The following TET2 variants were observed in gnomAD, a reference collection of about 807,000 sequenced individuals.
TET2 encodes methylcytosine dioxygenase TET2.
Under a neutral mutation model 142.9 loss-of-function variants are expected in TET2, and 299 were observed. The observed-to-expected ratio is 2.09, with a 90% confidence interval of 1.90 to 2.30. The LOEUF (loss-of-function observed/expected upper bound fraction) is 2.30. TET2 is among the 30% of genes most tolerant of loss of function. TET2 has a pLI of 0.00. For missense variants in TET2, 2,418 were observed against 2,378.0 expected, an observed-to-expected ratio of 1.02 and a Z score of -0.35; for synonymous variants, 819 against 849.0, an observed-to-expected ratio of 0.96 and a Z score of 0.61.
rs75699740 is a variant in TET2, at chr4:105,268,000, T to C, written c.4045-1610T>C. ...ATACTTAGTGGTGAAAGACTAATAC[T>C]TGACCCCTAAGATAAGGAACAAGAC... On this transcript the variant is annotated intron_variant, in intron 8 of 10. Coordinates refer to ENST00000380013, the MANE Select transcript of TET2 (RefSeq NM_001127208.3). 4.0e-3 allele frequency among the ~76,000 whole-genome samples: 612 copies of C among 152,274 alleles called. 2 individuals carry two copies. The highest frequency in any genetic ancestry group is 6.7e-3 in the Non-Finnish European group (457 of 67,986).
intron 1 of TET2, among the ~76,000 whole-genome samples, chr4:105,149,055 TA>T (rs1476574380): frequency 6.6e-6 from 1 of 152,206 alleles, no homozygotes; most frequent in Non-Finnish European, 1.5e-5. Flanking sequence ...GCCCTAAAAT[TA>T]AAACAAAAAT....
At chr4:105,194,669 A>T (rs1378102198) in intron 2 of TET2, among the ~76,000 whole-genome samples, 1 of 152,200 alleles carries the variant, frequency 6.6e-6, no homozygotes, top group Admixed American at 6.5e-5. Context: ...CAGGATTATA[A>T]AAGAAAAAAT....
At chr4:105,163,846 A>AGTGT (rs1246970394) in intron 1 of TET2, among the ~76,000 whole-genome samples, 4 of 116,134 alleles carry the variant, frequency 3.4e-5, no homozygotes, top group Non-Finnish European at 3.6e-5. Context: ...AGAGAGAGAG[A>AGTGT]GAGAGAGAGT....
At chr4:105,211,773 T>A (rs1236432363) in intron 2 of TET2, among the ~76,000 whole-genome samples, 1 of 152,230 alleles carries the variant, frequency 6.6e-6, no homozygotes, top group Admixed American at 6.5e-5. Flanking sequence ...CATGCCTGTT[T>A]GGGGAATAGT....
chr4:105,149,334 A>G lies in TET2; in HGVS notation c.-193+2355A>G, dbSNP rs762087386. 3.4e-4 allele frequency among the ~76,000 whole-genome samples: 52 copies of G among 152,204 alleles called. 1 individual carries two copies. The highest frequency in any genetic ancestry group is 3.4e-3 in the Admixed American group (52 of 15,274). ...GAAGGCTTGTTTTTTCCTGTCATCA[A>G]ATTTAGATTCTTGTTATTTTGTGCA... On this transcript the variant is annotated intron_variant, in intron 1 of 10. Transcript: ENST00000380013.
intron 3 of TET2, 181 bp downstream of exon 3, chr4:105,237,532 G>A: frequency 6.4e-7 from 1 of 1,570,510 alleles, no homozygotes; most frequent in Non-Finnish European, 8.6e-7. Context: ...TTGTGAAAGA[G>A]AACTTCACTT....
At chr4:105,160,932 C>A (rs764138604) in intron 1 of TET2, among the ~76,000 whole-genome samples, 3 of 152,136 alleles carry the variant, frequency 2.0e-5, no homozygotes, top group Non-Finnish European at 2.9e-5. Flanking sequence ...CTCGCCACCA[C>A]GCCCGGCTAA....
chr4:105,197,090 T>C (rs1357945560), intron 2 of TET2, among the ~76,000 whole-genome samples: 4 of 152,172 alleles, frequency 2.6e-5, no homozygotes, highest in African/African-American at 9.7e-5. Context: ...GATACTTAAT[T>C]ATAAGCAACA....
chr4:105,200,403 T>C (rs777840481), intron 2 of TET2, among the ~76,000 whole-genome samples: 2 of 152,162 alleles, frequency 1.3e-5, no homozygotes, highest in Non-Finnish European at 2.9e-5. Context: ...TGTTTGTTTG[T>C]TTGTTTTTCC....
rs527538193 is a variant in TET2 at position 105,152,222 on chromosome 4, G to A, written c.-193+5243G>A. ...AACCCTCCCGGGAGGCAGAGGCTGC[G>A]GTGAGCCGAGATGGCTCTGCTGCAC... On this transcript the variant is annotated intron_variant, in intron 1 of 10. Coordinates refer to ENST00000380013, the MANE Select transcript of TET2 (RefSeq NM_001127208.3). Among the ~76,000 whole-genome samples the A allele has an allele frequency of 7.9e-5, 12 of 152,166 alleles. No individual in the cohort carries two copies. In the South Asian group the frequency reaches 1.9e-3, roughly 24 times the overall value.
intron 2 of TET2, among the ~76,000 whole-genome samples, chr4:105,196,463 CAGTACAGAAAACCATCAG>C (rs1472319582): frequency 3.9e-5 from 6 of 152,134 alleles, no homozygotes; most frequent in Non-Finnish European, 7.4e-5. Flanking sequence ...CTGAAGAACT[CAGTACAGAAAACCATCAG>C]CCTACAGAAA....
chr4:105,230,212 T>C (rs1416526948), intron 2 of TET2, among the ~76,000 whole-genome samples: 1 of 152,146 alleles, frequency 6.6e-6, no homozygotes, highest in Non-Finnish European at 1.5e-5. Context: ...CTGCTAATTT[T>C]TGTATCTTTT....
intron 3 of TET2, chr4:105,237,654 C>A: frequency 7.3e-7 from 1 of 1,378,770 alleles, no homozygotes. Context: ...CTATTTAGCT[C>A]TTTGTATATT....
chr4:105,279,382 A>C lies in TET2; in HGVS notation c.*2863A>C, dbSNP rs972651724. 5 of 232,190 alleles carry C rather than the reference A, an allele frequency of 2.2e-5. No individual in the cohort carries two copies. The highest frequency in any genetic ancestry group is 1.1e-4 in the African/African-American group (5 of 45,244). 14.4% of individuals were successfully genotyped at this position (232,190 alleles called of 1,614,324 possible). On this transcript the variant is annotated 3_prime_UTR_variant, in exon 11 of 11. Transcript: ENST00000380013. ...TAATTGTAAATATAAAACCTGCCTCAGTTAGAATGAATGGAAAGCAGATCT... is the reference window on the plus strand; with the variant it reads ...TAATTGTAAATATAAAACCTGCCTCCGTTAGAATGAATGGAAAGCAGATCT...
At chr4:105,204,945 T>G (rs939426487) in intron 2 of TET2, among the ~76,000 whole-genome samples, 1 of 152,170 alleles carries the variant, frequency 6.6e-6, no homozygotes, top group African/African-American at 2.4e-5. Context: ...AATTCTCTTA[T>G]TTTTAAAAAT....
chr4:105,268,933 A>T (rs928748060), intron 8 of TET2, among the ~76,000 whole-genome samples: 1 of 152,206 alleles, frequency 6.6e-6, no homozygotes, highest in Non-Finnish European at 1.5e-5. Context: ...AGATCGTGCC[A>T]CTGCACTCCA....
Position 105,266,266 on chromosome 4 carries a change from C to T in TET2, c.4045-3344C>T, listed in dbSNP as rs1730676856. Among the ~76,000 whole-genome samples the T allele has an allele frequency of 2.6e-5, 4 of 151,892 alleles. 1 individual carries two copies. In the South Asian group the frequency reaches 8.3e-4, roughly 31 times the overall value. On this transcript the variant is annotated intron_variant, in intron 8 of 10. Transcript: ENST00000380013. ...TAGAAGTAAATTTGGCAGTTCTGAC[C>T]TCATCTAAAAATGCTTAAAATGAAA...
At position 105,237,307 on chromosome 4, in the gene TET2, C is replaced by T. The variant is rs1249509691; in HGVS notation, c.3365C>T (p.Thr1122Ile). The change falls in exon 3 of 11, where the codon ACA becomes ATA. Residue 1122 changes from threonine to isoleucine, a missense_variant. Thr to Ile is a moderately conservative substitution (Grantham distance 89). Transcript: ENST00000380013. ...LDTPIKNLLDTPVKTQYDFPS... is the reference protein window; with the variant it reads ...LDTPIKNLLDIPVKTQYDFPS... Reference sequence around the variant, plus strand: ...ACTCCTATAAAAAATTTATTGGATACACCTGTCAAGACTCAATATGATTTC... The same window carrying T: ...ACTCCTATAAAAAATTTATTGGATATACCTGTCAAGACTCAATATGATTTC... 6 of 1,613,984 alleles carry T rather than the reference C, an allele frequency of 3.7e-6. No individual in the cohort carries two copies. Among genetic ancestry groups the T allele is most frequent in the Admixed American group, 1.7e-5 (1 of 59,994 alleles).
intron 1 of TET2, among the ~76,000 whole-genome samples, chr4:105,188,948 G>A (rs955699766): frequency 6.6e-6 from 1 of 152,228 alleles, no homozygotes; most frequent in East Asian, 1.9e-4. Flanking sequence ...GTAATGATAG[G>A]TGAGAGTGGC....
Sources: allele counts gnomAD v4.1 joint callset (sites outside exome capture counted in the v4.1 genomes callset), GRCh38; gene constraint gnomAD v4.1.1; transcripts MANE v1.5; gene names NCBI Gene and HGNC (gene_info 2026-07-23, HGNC 2026-07-21).